Variants in FAM91A1 observed in about 807,000 individuals in gnomAD.
FAM91A1 encodes family with sequence similarity 91 member A1, also known as protein FAM91A1.
FAM91A1 carries 41 observed loss-of-function variants against 113.5 expected under a neutral mutation model. That is an observed-to-expected ratio of 0.36 (90% CI 0.28 to 0.47). FAM91A1 has a LOEUF of 0.47. Ranked by LOEUF, FAM91A1 falls within the 20% of genes least tolerant of loss-of-function variation. The pLI, the probability that FAM91A1 is intolerant of heterozygous loss-of-function variation, is 1.00. For missense variants in FAM91A1, 696 were observed against 1,001.2 expected (o/e 0.70, Z 4.11); for synonymous variants, 307 against 347.9 (o/e 0.88, Z 1.31).
rs766214631 is a variant in FAM91A1 at position 123,768,752 on chromosome 8, A to G, written c.50A>G (p.Lys17Arg). The G allele has an allele frequency of 4.3e-6, 7 of 1,611,968 alleles. No individual in the cohort carries two copies. Among genetic ancestry groups the G allele is most frequent in the Non-Finnish European group, 5.9e-6 (7 of 1,179,108 alleles). Residue 17 changes from lysine to arginine, a missense_variant, in exon 1 of 24, where the codon AAG (lysine) becomes AGG (arginine). Coordinates refer to ENST00000334705, the MANE Select transcript of FAM91A1 (RefSeq NM_144963.4). Reference sequence around the variant, plus strand: ...ATCCGGCACAACTACCCCTGGAACAAGTTGCCGGCCAACGTGAGACAGGTA... The same window carrying G: ...ATCCGGCACAACTACCCCTGGAACAGGTTGCCGGCCAACGTGAGACAGGTA... ...FHIRHNYPWN[K>R]LPANVRQSLG... is the part of the protein sequence containing the mutation.
chr8:123,812,535 T>TG lies in FAM91A1; in HGVS notation c.2350dup (p.Asp784GlyfsTer19). 3.2e-6 allele frequency: 5 copies of TG among 1,586,116 alleles called. No individual in the cohort carries two copies. The highest frequency in any genetic ancestry group is 4.3e-6 in the Non-Finnish European group (5 of 1,170,472). On this transcript the variant is annotated frameshift_variant, in exon 24 of 24. Transcript: ENST00000334705. LOFTEE classifies it high-confidence loss of function. ...ATCTTTTAGGAAGGTGCTTCAATAT[T>TG]GGATATTCACACAGAGCCCAGTTTT...
chr8:123,771,801 A>G (rs1814846670), intron 1 of FAM91A1, among the ~76,000 whole-genome samples: 1 of 152,158 alleles, frequency 6.6e-6, no homozygotes. Context: ...CAAAGATTTC[A>G]GAAAATCTTT....
At position 123,812,525 on chromosome 8, in the gene FAM91A1, G is replaced by A. The variant is rs769171490; in HGVS notation, c.2338G>A (p.Ala780Thr). 1.3e-6 allele frequency: 2 copies of A among 1,579,034 alleles called. No individual in the cohort carries two copies. Among genetic ancestry groups the A allele is most frequent in the Non-Finnish European group, 8.6e-7 (1 of 1,167,146 alleles). The part of the protein sequence containing the change: ...LNFVHSFQEG[A>T]SILDIHTEPS... ...TTGTTTCTTGATCTTTTAGGAAGGT[G>A]CTTCAATATTGGATATTCACACAGA... Residue 780 changes from alanine (A) to threonine (T), a missense_variant, in exon 24 of 24, where the codon GCT becomes ACT. By Grantham distance (58) the Ala-to-Thr change is moderately conservative (BLOSUM62 0). Transcript: ENST00000334705.
At chr8:123,777,876 G>T in intron 4 of FAM91A1, 149 bp from the exon 5 acceptor site, 1 of 606,200 alleles carries the variant, frequency 1.6e-6, no homozygotes, top group Non-Finnish European at 2.8e-6. Context: ...TTTATGTTTT[G>T]GTTGAAGACG....
rs1421182679 is a variant in FAM91A1, at chr8:123,778,099, T to C, written c.435+7T>C. ...TCAGTGTAGATCATCAAAAGTAAGT[T>C]AGTACTTTCTTTTTCATTGTTTTGG... On this transcript the variant is annotated splice_region_variant and intron_variant, in intron 5 of 23. Coordinates refer to ENST00000334705, the MANE Select transcript of FAM91A1 (RefSeq NM_144963.4). The C allele has an allele frequency of 1.3e-6, 2 of 1,596,568 alleles. No individual in the cohort carries two copies. Among genetic ancestry groups the C allele is most frequent in the Non-Finnish European group, 1.7e-6 (2 of 1,167,792 alleles).
intron 15 of FAM91A1, among the ~76,000 whole-genome samples, chr8:123,792,070 G>T (rs1372267117): frequency 6.6e-6 from 1 of 152,102 alleles, no homozygotes; most frequent in East Asian, 1.9e-4. Flanking sequence ...AGCTGCTCGG[G>T]AGGCTGAGGC....
intron 1 of FAM91A1, among the ~76,000 whole-genome samples, chr8:123,769,155 A>C (rs1814779485): frequency 6.6e-6 from 1 of 152,194 alleles, no homozygotes; most frequent in Non-Finnish European, 1.5e-5. Context: ...GCTCATACAC[A>C]CCTGCATTGT....
chr8:123,773,948 T>A (rs1814918479), intron 1 of FAM91A1, 132 bp from the exon 2 acceptor site: 3 of 660,130 alleles, frequency 4.5e-6, no homozygotes, highest in Non-Finnish European at 7.7e-6. Context: ...AGAAAATATT[T>A]TTTATTTAAT....
chr8:123,803,998 A>C, intron 18 of FAM91A1, among the ~76,000 whole-genome samples: 1 of 152,264 alleles, frequency 6.6e-6, no homozygotes, highest in Non-Finnish European at 1.5e-5. Flanking sequence ...ACAACTACAA[A>C]TTCAAATCAA....
intron 1 of FAM91A1, among the ~76,000 whole-genome samples, chr8:123,773,381 A>T (rs535034690): frequency 6.6e-6 from 1 of 152,354 alleles, no homozygotes; most frequent in South Asian, 2.1e-4. Context: ...TAGCAGTCAT[A>T]TATTAAATTA....
Position 123,789,730 on chromosome 8 carries a change from G to A in FAM91A1, c.1396G>A (p.Asp466Asn), listed in dbSNP as rs371693751. 3 of 1,612,510 alleles carry A rather than the reference G, an allele frequency of 1.9e-6. No homozygotes were observed. The highest frequency in any genetic ancestry group is 1.3e-5 in the African/African-American group (1 of 74,864). ...TCTAGTTGCGCAAACTGCACAGCCA[G>A]ACCAACCCAATTATGGTATGATAAA... ...KDLVAQTAQP[D>N]QPNYGFPLDL... Residue 466 changes from aspartate (D) to asparagine (N), a missense_variant, in exon 15 of 24, where the codon GAC becomes AAC. Asp to Asn is a conservative substitution (Grantham distance 23). Transcript: ENST00000334705.
At chr8:123,779,470 C>T (rs1181518180) in intron 6 of FAM91A1, among the ~76,000 whole-genome samples, 1 of 152,172 alleles carries the variant, frequency 6.6e-6, no homozygotes. Flanking sequence ...TTATGCGTAG[C>T]TGAAGCAATG....
At chr8:123,773,977 C>T in intron 1 of FAM91A1, 103 bp from the exon 2 acceptor site, 1 of 794,766 alleles carries the variant, frequency 1.3e-6, no homozygotes, top group African/African-American at 1.8e-5. Context: ...TTAGAGATGC[C>T]AGGATAAAAA....
intron 15 of FAM91A1, 111 bp from the exon 16 acceptor site, chr8:123,797,979 C>T (rs1034452507): frequency 3.1e-6 from 4 of 1,280,644 alleles, no homozygotes; most frequent in African/African-American, 3.0e-5. Context: ...AGTTACTTTA[C>T]CTTAAAAAGA....
chr8:123,772,048 G>T (rs1367897873), intron 1 of FAM91A1, among the ~76,000 whole-genome samples: 1 of 152,160 alleles, frequency 6.6e-6, no homozygotes, highest in Non-Finnish European at 1.5e-5. Flanking sequence ...GGAGATGTGG[G>T]GTAGGAGTAG....
intron 10 of FAM91A1, 144 bp from the exon 11 acceptor site, chr8:123,785,485 G>T (rs1815229283): frequency 6.3e-6 from 4 of 635,472 alleles, no homozygotes; most frequent in Non-Finnish European, 1.1e-5. Context: ...CAAGGGAGGA[G>T]CAGGTCTACT....
At position 123,777,296 on chromosome 8, in the gene FAM91A1, C is replaced by T. The variant is rs1815008897; in HGVS notation, c.341C>T (p.Ser114Leu). The T allele has an allele frequency of 1.9e-6, 3 of 1,611,502 alleles. No individual in the cohort carries two copies. The East Asian group carries it at 6.7e-5, about 36-fold the overall frequency. ...ATGAACAGTGAGAAAAGTTATGATT[C>T]ATTGCCCAATTTTACTGCTGCTGAC... ...DIMNSEKSYD[S>L]LPNFTAADCL... Residue 114 changes from serine (S) to leucine (L), a missense_variant, in exon 4 of 24, where the codon TCA becomes TTA. Transcript: ENST00000334705.
intron 16 of FAM91A1, 67 bp from the exon 17 acceptor site, chr8:123,799,452 TA>T: frequency 6.8e-7 from 1 of 1,464,586 alleles, no homozygotes; most frequent in Non-Finnish European, 9.2e-7. Flanking sequence ...TTGCTGTTTA[TA>T]AGACTGTTCT....
intron 15 of FAM91A1, among the ~76,000 whole-genome samples, chr8:123,791,296 T>C (rs1018448585): frequency 2.6e-5 from 4 of 151,842 alleles, no homozygotes; most frequent in Admixed American, 6.6e-5. Flanking sequence ...TCTGTTGATT[T>C]TTTTTTTTCC....
Sources: allele counts gnomAD v4.1 joint callset (sites outside exome capture counted in the v4.1 genomes callset), GRCh38; gene constraint gnomAD v4.1.1; transcripts MANE v1.5; gene names NCBI Gene and HGNC (gene_info 2026-07-23, HGNC 2026-07-21).